Variants in AS3MT observed in about 807,000 individuals in gnomAD.
AS3MT encodes S-adenosyl-L-methionine:arsenic(III) methyltransferase.
Under a neutral mutation model 45.3 loss-of-function variants are expected in AS3MT, and 47 were observed. That is an observed-to-expected ratio of 1.04 (90% CI 0.82 to 1.32). AS3MT has a LOEUF of 1.32. Ranked by LOEUF, AS3MT falls within the 40% of genes most tolerant of loss-of-function variation. The pLI is 0.00. For synonymous variants in AS3MT, 141 were observed against 152.8 expected (o/e 0.92, Z 0.57); for missense variants, 396 against 451.1 (o/e 0.88, Z 1.11).
chr10:102,892,848 C>T (rs1005338339), intron 10 of AS3MT, among the ~76,000 whole-genome samples: 3 of 151,786 alleles, frequency 2.0e-5, no homozygotes, highest in Admixed American at 6.6e-5. Context: ...GGCATGGTGG[C>T]GTGCGCCTGT....
intron 7 of AS3MT, among the ~76,000 whole-genome samples, chr10:102,877,748 C>CTTTTTTTTTT (rs751685577): frequency 1.9e-5 from 2 of 105,194 alleles, no homozygotes; most frequent in African/African-American, 3.5e-5. Flanking sequence ...GTGATAACTT[C>CTTTTTTTTTT]TTTTTTTTTT....
rs990075093 is a variant in AS3MT, at chr10:102,877,714, A to G, written c.611-665A>G. ...ATAGTAAAACCCTATCTCTTAAAAA[A>G]ATTACTTATAATCATATAACCCAGT... On this transcript the variant is annotated intron_variant, in intron 7 of 10. Coordinates refer to ENST00000369880, the MANE Select transcript of AS3MT (RefSeq NM_020682.4). 1.1e-4 allele frequency among the ~76,000 whole-genome samples: 16 copies of G among 150,878 alleles called. 1 individual carries two copies. Among genetic ancestry groups the G allele is most frequent in the Non-Finnish European group, 2.4e-4 (16 of 67,788 alleles).
chr10:102,878,722 T>G, intron 8 of AS3MT, 127 bp from the exon 9 acceptor site: 1 of 1,361,016 alleles, frequency 7.3e-7, no homozygotes, highest in Non-Finnish European at 1.0e-6. Flanking sequence ...AGTGAAGTGC[T>G]CAGAAAGATA....
intron 9 of AS3MT, among the ~76,000 whole-genome samples, chr10:102,880,647 CAG>C (rs1844857440): frequency 6.6e-6 from 1 of 152,176 alleles, no homozygotes; most frequent in South Asian, 2.1e-4. Flanking sequence ...GTCCTCAAAA[CAG>C]AGCTCCTCAA....
chr10:102,882,009 G>A (rs1191172740), intron 9 of AS3MT, among the ~76,000 whole-genome samples: 6 of 149,632 alleles, frequency 4.0e-5, no homozygotes, highest in Admixed American at 1.3e-4. Context: ...GCCCGATCTC[G>A]GCTCACTGCA....
intron 10 of AS3MT, among the ~76,000 whole-genome samples, chr10:102,895,704 A>T (rs1845155351): frequency 6.6e-6 from 1 of 152,094 alleles, no homozygotes. Context: ...TAGGTTGCCC[A>T]GCCTGGGCAA....
At chr10:102,884,569 G>C (rs781173131) in intron 9 of AS3MT, among the ~76,000 whole-genome samples, 6 of 151,446 alleles carry the variant, frequency 4.0e-5, no homozygotes, top group Non-Finnish European at 7.4e-5. Flanking sequence ...TTTTTGAGAT[G>C]GAATCTCACT....
chr10:102,889,897 C>T (rs956956107), intron 9 of AS3MT, among the ~76,000 whole-genome samples: 11 of 151,906 alleles, frequency 7.2e-5, no homozygotes, highest in Non-Finnish European at 1.0e-4. Context: ...AGGCTGGTCT[C>T]GAACTCCTGA....
chr10:102,884,334 CT>C (rs1844913815), intron 9 of AS3MT, among the ~76,000 whole-genome samples: 1 of 151,958 alleles, frequency 6.6e-6, no homozygotes, highest in Admixed American at 6.6e-5. Context: ...TAATAGATCT[CT>C]TTAACTTATT....
At chr10:102,877,141 G>A in intron 7 of AS3MT, 106 bp downstream of exon 7, 1 of 1,031,746 alleles carries the variant, frequency 9.7e-7, no homozygotes, top group Middle Eastern at 2.1e-4. Flanking sequence ...CATGGGGTTA[G>A]GCCATGAGGC....
chr10:102,896,902 T>TA (rs1233826496), intron 10 of AS3MT, among the ~76,000 whole-genome samples: 1 of 152,196 alleles, frequency 6.6e-6, no homozygotes, highest in Non-Finnish European at 1.5e-5. Flanking sequence ...AAGAAGGTGA[T>TA]ACTTTGGAAA....
At chr10:102,898,639 G>C (rs1285488717) in intron 10 of AS3MT, among the ~76,000 whole-genome samples, 1 of 152,272 alleles carries the variant, frequency 6.6e-6, no homozygotes, top group Middle Eastern at 3.4e-3. Context: ...GATGCAAACA[G>C]GATTAGGGCT....
chr10:102,883,511 G>A (rs566702463), intron 9 of AS3MT, among the ~76,000 whole-genome samples: 4 of 151,898 alleles, frequency 2.6e-5, no homozygotes, highest in African/African-American at 7.2e-5. Context: ...TCAGGAGTTC[G>A]AGACCAGCCT....
chr10:102,874,200 C>T (rs762255469), intron 5 of AS3MT, among the ~76,000 whole-genome samples: 2 of 151,898 alleles, frequency 1.3e-5, no homozygotes, highest in Non-Finnish European at 1.5e-5. Context: ...TTGCAATGAG[C>T]CGAGATTGCG....
intron 10 of AS3MT, among the ~76,000 whole-genome samples, chr10:102,900,035 T>A (rs1340103600): frequency 6.6e-6 from 1 of 152,184 alleles, no homozygotes; most frequent in Non-Finnish European, 1.5e-5. Context: ...TTGTTAGAGG[T>A]ATCTCATTTG....
chr10:102,887,468 T>G (rs971701217), intron 9 of AS3MT, among the ~76,000 whole-genome samples: 1 of 152,186 alleles, frequency 6.6e-6, no homozygotes, highest in Admixed American at 6.5e-5. Flanking sequence ...TTCTTTTAGA[T>G]CTATTAATGT....
chr10:102,896,530 C>T (rs1439295864), intron 10 of AS3MT, among the ~76,000 whole-genome samples: 4 of 150,254 alleles, frequency 2.7e-5, no homozygotes, highest in South Asian at 4.3e-4. Context: ...TTTACTAGGC[C>T]GGGCACGGTG....
intron 9 of AS3MT, among the ~76,000 whole-genome samples, chr10:102,889,037 C>T (rs1845014356): frequency 6.6e-6 from 1 of 151,422 alleles, no homozygotes; most frequent in South Asian, 2.1e-4. Flanking sequence ...ACTACAGGTG[C>T]CTGCCACCAT....
At chr10:102,872,848 T>C (rs552958247) in intron 4 of AS3MT, among the ~76,000 whole-genome samples, 1 of 152,310 alleles carries the variant, frequency 6.6e-6, no homozygotes, top group African/African-American at 2.4e-5. Context: ...GACTTTGATC[T>C]TTCCCTTCTT....
Sources: allele counts gnomAD v4.1 joint callset (sites outside exome capture counted in the v4.1 genomes callset), GRCh38; gene constraint gnomAD v4.1.1; transcripts MANE v1.5; gene names NCBI Gene and HGNC (gene_info 2026-07-23, HGNC 2026-07-21).